ANKS1A: variants seen among roughly 807,000 people sequenced by gnomAD.
The protein encoded by ANKS1A is ankyrin repeat and sterile alpha motif domain containing 1A, also known as ankyrin repeat and SAM domain-containing protein 1A.
A neutral mutation model predicts 120.3 loss-of-function variants in ANKS1A; 55 were observed. That is an observed-to-expected ratio of 0.46 (90% CI 0.37 to 0.57). The LOEUF (loss-of-function observed/expected upper bound fraction) is 0.57, where lower values mean the gene tolerates loss of function less well. Ranked by LOEUF, ANKS1A falls within the 20% of genes least tolerant of loss-of-function variation. The pLI, the probability that ANKS1A is intolerant of heterozygous loss-of-function variation, is 0.00. For missense variants in ANKS1A, 1,123 were observed against 1,480.3 expected (o/e 0.76, Z 3.96); for synonymous variants, 590 against 604.7 (o/e 0.98, Z 0.36).
At chr6:35,034,663 A>G (rs913026476) in intron 11 of ANKS1A, among the ~76,000 whole-genome samples, 1 of 152,244 alleles carries the variant, frequency 6.6e-6, no homozygotes, top group African/African-American at 2.4e-5. Flanking sequence ...GGCCGGTATC[A>G]TTGCATCATT....
chr6:35,078,599 C>T lies in ANKS1A; in HGVS notation c.2226C>T (p.Gly742=), dbSNP rs1459832648. ...VMEEQDLRDI[G]ISDPQHRRKL... ...AAGAGCAGGACCTGCGGGACATCGG[C>T]ATCAGCGACCCACAGCACCGGCGGA... Residue 742 remains glycine (G), a synonymous_variant, in exon 14 of 24, where the codon GGC becomes GGT. Transcript: ENST00000360359. 6.2e-7 allele frequency: 1 copy of T among 1,608,626 alleles called. No homozygotes were observed.
intron 11 of ANKS1A, chr6:35,038,331 C>T: frequency 2.2e-6 from 1 of 456,638 alleles, no homozygotes; most frequent in South Asian, 1.5e-5. Flanking sequence ...TGCATTCTTA[C>T]TGAGATAGTC....
chr6:35,021,918 G>A (rs1320416215), intron 11 of ANKS1A, among the ~76,000 whole-genome samples: 2 of 152,068 alleles, frequency 1.3e-5, no homozygotes, highest in Middle Eastern at 3.4e-3. Flanking sequence ...CCCAGGAGGC[G>A]GAGGTTGCAG....
intron 1 of ANKS1A, among the ~76,000 whole-genome samples, chr6:34,917,169 CA>C (rs1209022686): frequency 6.6e-6 from 1 of 152,182 alleles, no homozygotes; most frequent in Non-Finnish European, 1.5e-5. Flanking sequence ...CATACTCTGT[CA>C]GGGGAAGAGC....
At chr6:34,916,668 CCT>C (rs1768182176) in intron 1 of ANKS1A, among the ~76,000 whole-genome samples, 1 of 152,164 alleles carries the variant, frequency 6.6e-6, no homozygotes, top group African/African-American at 2.4e-5. Flanking sequence ...TGAAATATAC[CCT>C]GTCCCTATGT....
chr6:35,022,905 A>G (rs1774417701), intron 11 of ANKS1A, among the ~76,000 whole-genome samples: 1 of 152,216 alleles, frequency 6.6e-6, no homozygotes, highest in Non-Finnish European at 1.5e-5. Flanking sequence ...TCGTCATTCT[A>G]AAAAGGCTGA....
intron 11 of ANKS1A, among the ~76,000 whole-genome samples, chr6:35,024,752 A>C (rs1243586785): frequency 6.6e-6 from 1 of 152,170 alleles, no homozygotes; most frequent in Non-Finnish European, 1.5e-5. Flanking sequence ...TTCTCATTAG[A>C]GGCATGATGT....
chr6:35,080,010 AGAGACCAC>A, intron 16 of ANKS1A, 82 bp downstream of exon 16: 1 of 1,446,784 alleles, frequency 6.9e-7, no homozygotes, highest in Non-Finnish European at 9.5e-7. Context: ...AGGATTCTTC[AGAGACCAC>A]TGTAGTGTAG....
At chr6:35,045,246 C>G (rs1775664554) in intron 11 of ANKS1A, among the ~76,000 whole-genome samples, 1 of 152,222 alleles carries the variant, frequency 6.6e-6, no homozygotes, top group African/African-American at 2.4e-5. Context: ...GCCTTGAAAG[C>G]AGGGCTGCAC....
At chr6:35,004,275 T>A (rs1444231491) in intron 10 of ANKS1A, among the ~76,000 whole-genome samples, 1 of 152,112 alleles carries the variant, frequency 6.6e-6, no homozygotes, top group Non-Finnish European at 1.5e-5. Context: ...TCTTGGTGTC[T>A]GAGGGGTTTT....
rs113309854 is a variant in ANKS1A at position 35,034,108 on chromosome 6, T to C, written c.2010+16049T>C. Among the ~76,000 whole-genome samples the C allele has an allele frequency of 3.6e-3, 542 of 152,326 alleles. 2 individuals are homozygous for C. Among genetic ancestry groups the C allele is most frequent in the South Asian group, 0.025 (119 of 4,826 alleles). On this transcript the variant is annotated intron_variant, in intron 11 of 23. Transcript: ENST00000360359. ...AGGGGTGTGTCTGTGTGTCTGCTGATGAATTTCTTAGAGGTATATTAGTTT... is the reference window on the plus strand; with the variant it reads ...AGGGGTGTGTCTGTGTGTCTGCTGACGAATTTCTTAGAGGTATATTAGTTT...
chr6:34,977,397 A>AT (rs35012141), intron 3 of ANKS1A, among the ~76,000 whole-genome samples: 51 of 145,028 alleles, frequency 3.5e-4, no homozygotes, highest in South Asian at 2.4e-3. Context: ...GCATTTTAGC[A>AT]TTTTTTTTTT....
chr6:35,096,347 G>A (rs1778470268), downstream of ANKS1A, among the ~76,000 whole-genome samples: 1 of 152,176 alleles, frequency 6.6e-6, no homozygotes. Flanking sequence ...TCTGGGATGA[G>A]GACAAGGGCC....
chr6:35,056,381 C>G (rs547494900), intron 12 of ANKS1A, among the ~76,000 whole-genome samples: 1 of 152,196 alleles, frequency 6.6e-6, no homozygotes, highest in Non-Finnish European at 1.5e-5. Flanking sequence ...CTCCGCCTCC[C>G]GGGTTCACAC....
chr6:35,075,270 C>A (rs1777286320), intron 13 of ANKS1A, among the ~76,000 whole-genome samples: 1 of 152,174 alleles, frequency 6.6e-6, no homozygotes, highest in Non-Finnish European at 1.5e-5. Flanking sequence ...CCTGACATAA[C>A]TGAGAAGCTC....
chr6:34,950,127 C>T (rs1025341928), intron 1 of ANKS1A, among the ~76,000 whole-genome samples: 37 of 151,896 alleles, frequency 2.4e-4, no homozygotes, highest in Non-Finnish European at 3.4e-4. Flanking sequence ...TTACAGTGAG[C>T]TATGATTATG....
intron 10 of ANKS1A, among the ~76,000 whole-genome samples, chr6:35,004,057 CG>C (rs1489609256): frequency 2.0e-5 from 3 of 152,102 alleles, no homozygotes; most frequent in Non-Finnish European, 4.4e-5. Context: ...TAAAACTTCC[CG>C]GTCTGTTCTG....
At chr6:34,984,988 CG>C in intron 7 of ANKS1A, 93 bp from the exon 8 acceptor site, 1 of 1,165,732 alleles carries the variant, frequency 8.6e-7, no homozygotes, top group Non-Finnish European at 1.2e-6. Context: ...TTTGTGAGCG[CG>C]GGTGACTAAA....
chr6:35,002,624 T>C (rs751573516), intron 10 of ANKS1A, among the ~76,000 whole-genome samples: 2 of 152,046 alleles, frequency 1.3e-5, no homozygotes, highest in African/African-American at 2.4e-5. Context: ...AGTCTCTAAA[T>C]GTTATGTTTG....
Sources: gnomAD v4.1 joint callset for allele counts (sites outside exome capture counted in the v4.1 genomes callset) on GRCh38, gnomAD v4.1.1 for gene constraint, MANE v1.5 for transcripts, NCBI Gene and HGNC (gene_info 2026-07-23, HGNC 2026-07-21) for gene names.